The following FCGR2A variants were observed in gnomAD, a reference collection of about 807,000 sequenced individuals.
FCGR2A encodes Fc gamma receptor IIa, also known as low affinity immunoglobulin gamma Fc region receptor II-a.
In FCGR2A, 18 loss-of-function variants were observed where a neutral mutation model predicts 29.3. That is an observed-to-expected ratio of 0.62 (90% CI 0.43 to 0.91). FCGR2A has a LOEUF of 0.91. Among genes scored for constraint, FCGR2A ranks in the 40% least tolerant of loss-of-function variants. The pLI is 0.00. For missense variants in FCGR2A, 287 were observed against 393.0 expected (o/e 0.73, Z 2.28); for synonymous variants, 126 against 144.8 (o/e 0.87, Z 0.93).
At position 161,510,794 on chromosome 1, in the gene FCGR2A, T is replaced by G. The variant is rs774546802; in HGVS notation, c.620-40T>G. The G allele has an allele frequency of 8.1e-6, 13 of 1,611,548 alleles. No homozygotes were observed. In the African/African-American group the frequency reaches 1.6e-4, roughly 20 times the overall value. On this transcript the variant is annotated intron_variant, in intron 4 of 6. Coordinates refer to ENST00000271450, the MANE Select transcript of FCGR2A (RefSeq NM_001136219.3). Reference sequence around the variant, plus strand: ...GAGAATACAAACGTTGTCATTAAAATAGTAACCCCCCATCCTGCCCTAATG... The same window carrying G: ...GAGAATACAAACGTTGTCATTAAAAGAGTAACCCCCCATCCTGCCCTAATG...
Position 161,510,837 on chromosome 1 carries a change from C to A in FCGR2A, c.623C>A (p.Pro208His). Residue 208 changes from proline (P) to histidine (H), a missense_variant, in exon 5 of 7, where the codon CCC becomes CAC. Physicochemically the swap from Pro to His is moderately conservative, Grantham distance 77. Around this residue, in one of 3 missense-constraint regions of FCGR2A, gnomAD observed 72 missense variants for 68.6 expected, o/e 1.05. Coordinates refer to ENST00000271450, the MANE Select transcript of FCGR2A (RefSeq NM_001136219.3). ...SKPVTITVQV[P>H]SMGSSSPMGI... ...CCCTAATGTCTGTCTTCCCTAGTGCCCAGCATGGGCAGCTCTTCACCAATG... is the reference window on the plus strand; with the variant it reads ...CCCTAATGTCTGTCTTCCCTAGTGCACAGCATGGGCAGCTCTTCACCAATG... 1 of 1,614,140 alleles carries A rather than the reference C, an allele frequency of 6.2e-7. No homozygotes were observed. The highest frequency in any genetic ancestry group is 2.2e-5 in the East Asian group (1 of 44,872).
intron 1 of FCGR2A, 49 bp downstream of exon 1, chr1:161,505,601 C>T (rs374230075): frequency 1.5e-5 from 21 of 1,428,440 alleles, no homozygotes; most frequent in Non-Finnish European, 2.1e-5. Flanking sequence ...ACTCCTACTG[C>T]CTGGACTCCA....
At position 161,518,739 on chromosome 1, in the gene FCGR2A, G is replaced by C. The variant is rs893658151; in HGVS notation, c.*591G>C. 1.3e-5 allele frequency: 2 copies of C among 156,458 alleles called. No individual in the cohort carries two copies. Among genetic ancestry groups the C allele is most frequent in the Non-Finnish European group, 2.8e-5 (2 of 71,118 alleles). 9.7% of individuals were successfully genotyped at this position (156,458 alleles called of 1,614,324 possible). ...ATTCTCATGCCTCAGCCTCCCAGTA[G>C]CTGGGATTAGAGGCATGTGCCATCA... On this transcript the variant is annotated 3_prime_UTR_variant, in exon 7 of 7. Coordinates refer to ENST00000271450, the MANE Select transcript of FCGR2A (RefSeq NM_001136219.3).
chr1:161,508,225 C>T (rs989563161), intron 3 of FCGR2A, among the ~76,000 whole-genome samples: 12 of 151,922 alleles, frequency 7.9e-5, no homozygotes, highest in African/African-American at 2.2e-4. Flanking sequence ...CAGCCAAAAT[C>T]GCAATCCTGA....
rs1298896596 is a variant in FCGR2A, at chr1:161,510,390, G to A, written c.619+316G>A. On this transcript the variant is annotated intron_variant, in intron 4 of 6. Transcript: ENST00000271450. ...CCTAAGCTCCTGGGCATTCCTAAGA[G>A]CTGAGGTTTGCCTCGTTTCTTCTCA... The A allele has an allele frequency of 8.6e-6, 5 of 581,982 alleles. No homozygotes were observed. In the Admixed American group the frequency reaches 1.1e-4, roughly 13 times the overall value. The allele number at this position is 581,982 out of a possible 1,614,324, so 36.1% of individuals were successfully genotyped here.
At chr1:161,522,176 G>A (rs1053474075), downstream of FCGR2A, among the ~76,000 whole-genome samples, 2 of 151,974 alleles carry the variant, frequency 1.3e-5, no homozygotes, top group Admixed American at 1.3e-4. Flanking sequence ...ACTCCAGCCT[G>A]AGGGACAGAG....
intron 6 of FCGR2A, among the ~76,000 whole-genome samples, chr1:161,516,356 T>C (rs1383882556): frequency 6.6e-6 from 1 of 152,094 alleles, no homozygotes; most frequent in Non-Finnish European, 1.5e-5. Flanking sequence ...ATCTGGGTAT[T>C]TGCATAGGTT....
intron 3 of FCGR2A, among the ~76,000 whole-genome samples, chr1:161,508,169 A>G (rs1675541615): frequency 1.3e-5 from 2 of 152,070 alleles, no homozygotes; most frequent in Admixed American, 6.5e-5. Flanking sequence ...TCCATTGTAC[A>G]AAGAAATGCA....
In FCGR2A at chr1:161,510,032, T is replaced by C; in HGVS notation, c.577T>C (p.Tyr193His). 6.2e-7 allele frequency: 1 copy of C among 1,613,962 alleles called. No individual in the cohort carries two copies. The highest frequency in any genetic ancestry group is 8.5e-7 in the Non-Finnish European group (1 of 1,179,866). Residue 193 changes from tyrosine to histidine, a missense_variant, in exon 4 of 7, where the codon TAC becomes CAC. Tyr to His is a moderately conservative substitution (Grantham distance 83, BLOSUM62 2). Transcript: ENST00000271450. The stretch of plus-strand genomic sequence containing the variant: ...TTACCACTGCACAGGAAACATAGGC[T>C]ACACGCTGTTCTCATCCAAGCCTGT... Reference protein sequence around the residue: ...GDYHCTGNIGYTLFSSKPVTI... With the variant: ...GDYHCTGNIGHTLFSSKPVTI...
chr1:161,506,664 T>TGCA, intron 3 of FCGR2A, 73 bp downstream of exon 3: 1 of 1,597,778 alleles, frequency 6.3e-7, no homozygotes, highest in Non-Finnish European at 8.6e-7. Flanking sequence ...GACAGAGGTT[T>TGCA]GCAGGAAAGA....
At chr1:161,509,562 G>A (rs7529225) in intron 3 of FCGR2A, among the ~76,000 whole-genome samples, 15,149 of 152,228 alleles carry the variant, frequency 0.1, 930 homozygotes, top group Middle Eastern at 0.15. Flanking sequence ...CTACTCAAAC[G>A]TAGTATTTTA....
In FCGR2A at chr1:161,510,826, T is replaced by G; in HGVS notation, c.620-8T>G. Reference sequence around the variant, plus strand: ...CCCCCATCCTGCCCTAATGTCTGTCTTCCCTAGTGCCCAGCATGGGCAGCT... The same window carrying G: ...CCCCCATCCTGCCCTAATGTCTGTCGTCCCTAGTGCCCAGCATGGGCAGCT... On this transcript the variant is annotated splice_region_variant and splice_polypyrimidine_tract_variant and intron_variant, in intron 4 of 6. Transcript: ENST00000271450. The G allele has an allele frequency of 6.2e-7, 1 of 1,614,110 alleles. No individual in the cohort carries two copies. The highest frequency in any genetic ancestry group is 8.5e-7 in the Non-Finnish European group (1 of 1,179,972).
chr1:161,506,762 G>A (rs1675439047), intron 3 of FCGR2A, 171 bp downstream of exon 3: 4 of 1,268,992 alleles, frequency 3.2e-6, no homozygotes, highest in Non-Finnish European at 3.2e-6. Flanking sequence ...AGCATGCGTG[G>A]TGGGGGAAGG....
downstream of FCGR2A, among the ~76,000 whole-genome samples, chr1:161,520,255 C>T (rs1676399522): frequency 6.6e-6 from 1 of 152,040 alleles, no homozygotes; most frequent in African/African-American, 2.4e-5. Flanking sequence ...TTCCTTATCG[C>T]TGGGGAGGCC....
At position 161,506,597 on chromosome 1, in the gene FCGR2A, T is replaced by C. The variant is rs756311332; in HGVS notation, c.364+6T>C. 3 of 1,613,872 alleles carry C rather than the reference T, an allele frequency of 1.9e-6. No individual in the cohort carries two copies. Among genetic ancestry groups the C allele is most frequent in the East Asian group, 2.2e-5 (1 of 44,878 alleles). ...GCATCTGACTGTGCTTTCCGGTCAG[T>C]GGAGGAAGGCCCCAGGGTGGACCTG... is the stretch of plus-strand genomic sequence containing the variant. On this transcript the variant is annotated splice_donor_region_variant and intron_variant, in intron 3 of 6. Transcript: ENST00000271450.
At chr1:161,520,611 T>C (rs1323406481), downstream of FCGR2A, among the ~76,000 whole-genome samples, 1 of 151,166 alleles carries the variant, frequency 6.6e-6, no homozygotes, top group Non-Finnish European at 1.5e-5. Flanking sequence ...CCCAACAATC[T>C]GACTGCTTCT....
rs146883516 is a variant in FCGR2A, at chr1:161,518,033, A to C, written c.839A>C (p.Asp280Ala). 2.1e-3 allele frequency: 3,426 copies of C among 1,613,806 alleles called. 19 individuals are homozygous for C. Among genetic ancestry groups the C allele is most frequent in the Non-Finnish European group, 2.6e-3 (3,028 of 1,179,774 alleles). The change falls in exon 7 of 7, where the codon GAC becomes GCC. Residue 280 changes from aspartate to alanine, a missense_variant. This residue lies in a region of FCGR2A where 34 missense variants were observed against 73.5 expected (regional missense o/e 0.46). Coordinates refer to ENST00000271450, the MANE Select transcript of FCGR2A (RefSeq NM_001136219.3). ...AGACAACTTGAAGAAACCAACAATG[A>C]CTATGAAACAGCTGACGGCGGCTAC... The part of the protein sequence containing the change: ...RKRQLEETNN[D>A]YETADGGYMT...
At chr1:161,519,981 T>C (rs989744689), downstream of FCGR2A, 3 of 151,844 alleles carry the variant, frequency 2.0e-5, no homozygotes, top group African/African-American at 7.3e-5. Flanking sequence ...CACAGTCTCC[T>C]TGATGGTTTG....
chr1:161,510,782 T>C (rs1675720068), intron 4 of FCGR2A, 52 bp from the exon 5 acceptor site: 1 of 1,607,508 alleles, frequency 6.2e-7, no homozygotes, highest in Non-Finnish European at 8.5e-7. Context: ...AATACAAACG[T>C]TGTCATTAAA....
Sources: gnomAD v4.1 joint callset for allele counts (sites outside exome capture counted in the v4.1 genomes callset) on GRCh38, gnomAD v4.1.1 for gene constraint, gnomAD v4.1.1 regional missense constraint, MANE v1.5 for transcripts, NCBI Gene and HGNC (gene_info 2026-07-23, HGNC 2026-07-21) for gene names.